SHC4: variants seen among roughly 807,000 people sequenced by gnomAD.
SHC4 encodes SHC adaptor protein 4.
SHC4 carries 41 observed loss-of-function variants against 69.4 expected under a neutral mutation model. The ratio of observed to expected loss-of-function variants is 0.59; its 90% CI spans 0.46 to 0.77. SHC4 has a LOEUF of 0.77. Ranked by LOEUF, SHC4 falls within the 30% of genes least tolerant of loss-of-function variation. The pLI is 0.00. For missense variants in SHC4, 777 were observed against 783.8 expected, an observed-to-expected ratio of 0.99 and a Z score of 0.10; for synonymous variants, 318 against 299.3, an observed-to-expected ratio of 1.06 and a Z score of -0.64.
intron 1 of SHC4, among the ~76,000 whole-genome samples, chr15:48,929,045 T>A (rs1302052916): frequency 6.6e-6 from 1 of 152,154 alleles, no homozygotes; most frequent in Non-Finnish European, 1.5e-5. Flanking sequence ...TGTGGGCATG[T>A]GTTGAGAAAA....
intron 10 of SHC4, 131 bp downstream of exon 10, chr15:48,843,278 A>G: frequency 1.1e-6 from 1 of 882,736 alleles, no homozygotes; most frequent in South Asian, 1.7e-5. Flanking sequence ...AGGTCCTAGA[A>G]GGAACCAACC....
At chr15:48,902,573 A>C (rs1332663801) in intron 2 of SHC4, among the ~76,000 whole-genome samples, 1 of 152,086 alleles carries the variant, frequency 6.6e-6, no homozygotes, top group Non-Finnish European at 1.5e-5. Flanking sequence ...CTTCTCATGG[A>C]TCACAGCTGA....
At chr15:48,878,158 A>C in intron 4 of SHC4, 1 of 1,522,704 alleles carries the variant, frequency 6.6e-7, no homozygotes, top group Non-Finnish European at 8.8e-7. Context: ...TTTTTCCTAG[A>C]GGTTGAGCGG....
At chr15:48,913,443 G>A (rs184072513) in intron 2 of SHC4, among the ~76,000 whole-genome samples, 21 of 152,156 alleles carry the variant, frequency 1.4e-4, no homozygotes, top group African/African-American at 4.6e-4. Flanking sequence ...AACTCCCACC[G>A]TGCTCTCCCC....
intron 1 of SHC4, among the ~76,000 whole-genome samples, chr15:48,943,312 C>A (rs769136192): frequency 1.3e-5 from 2 of 152,160 alleles, no homozygotes; most frequent in African/African-American, 2.4e-5. Context: ...TCTATATATT[C>A]CACCTTTACA....
intron 5 of SHC4, 145 bp from the exon 6 acceptor site, chr15:48,868,014 A>C: frequency 1.6e-6 from 1 of 644,200 alleles, no homozygotes; most frequent in Non-Finnish European, 2.7e-6. Context: ...GTAAAAGGGA[A>C]CATAAACAAA....
Position 48,824,243 on chromosome 15 carries a change from A to G in SHC4, c.*1728T>C, listed in dbSNP as rs573373907. 6.6e-6 allele frequency: 1 copy of G among 152,354 alleles called. No individual in the cohort carries two copies. Among genetic ancestry groups the G allele is most frequent in the East Asian group, 1.9e-4 (1 of 5,190 alleles). 9.4% of individuals were successfully genotyped at this position (152,354 alleles called of 1,614,324 possible). A position where few individuals can be genotyped will look rare whatever the true frequency, so the allele number is the denominator to read the frequency against. On this transcript the variant is annotated 3_prime_UTR_variant, in exon 12 of 12. Transcript: ENST00000332408. ...ATTAATGGCAGTAGAAATAAAAATC[A>G]TAAGCCTTTACAGTAAAATATTAGA...
intron 2 of SHC4, among the ~76,000 whole-genome samples, chr15:48,894,729 G>C (rs7179126): frequency 1.3e-5 from 2 of 152,108 alleles, no homozygotes; most frequent in African/African-American, 4.8e-5. Flanking sequence ...GCACCTTGCA[G>C]TAGCAGGGAG....
chr15:48,887,386 G>A (rs1900053817), intron 3 of SHC4, among the ~76,000 whole-genome samples: 1 of 152,142 alleles, frequency 6.6e-6, no homozygotes, highest in Admixed American at 6.6e-5. Flanking sequence ...ACCTCTCAGG[G>A]CCCCAGTTTC....
chr15:48,907,962 C>G (rs1258574247), intron 2 of SHC4, among the ~76,000 whole-genome samples: 1 of 151,900 alleles, frequency 6.6e-6, no homozygotes, highest in East Asian at 1.9e-4. Flanking sequence ...CCTGTATATG[C>G]AAGTATCTTT....
At chr15:48,832,077 C>T (rs1336898307) in intron 11 of SHC4, among the ~76,000 whole-genome samples, 6 of 152,316 alleles carry the variant, frequency 3.9e-5, no homozygotes, top group Admixed American at 2.0e-4. Flanking sequence ...TCAAGACCAG[C>T]CTGGCCAACA....
chr15:48,876,132 A>T (rs370471575), intron 4 of SHC4, among the ~76,000 whole-genome samples: 10 of 152,212 alleles, frequency 6.6e-5, no homozygotes, highest in African/African-American at 2.4e-4. Context: ...TCACAAAAAA[A>T]CTTGCTTACT....
intron 1 of SHC4, among the ~76,000 whole-genome samples, chr15:48,943,099 G>A (rs1237313859): frequency 6.6e-6 from 1 of 152,150 alleles, no homozygotes; most frequent in Non-Finnish European, 1.5e-5. Flanking sequence ...TAATCTTTAT[G>A]TATGTGGGTA....
At position 48,923,328 on chromosome 15, in the gene SHC4, A is replaced by G. The variant is rs528952350; in HGVS notation, c.656+1551T>C. On this transcript the variant is annotated intron_variant, in intron 2 of 11. Transcript: ENST00000332408. The stretch of plus-strand genomic sequence containing the variant: ...AACTTTGGGAGTCCAAGGCAGGTGG[A>G]TGACCTGAGGTCAGGAGTTCAAGAC... Among the ~76,000 whole-genome samples the G allele has an allele frequency of 2.6e-5, 4 of 152,292 alleles. No individual in the cohort carries two copies. In the East Asian group the frequency reaches 7.7e-4, roughly 29 times the overall value.
At chr15:48,911,495 G>A (rs1483094633) in intron 2 of SHC4, among the ~76,000 whole-genome samples, 1 of 152,134 alleles carries the variant, frequency 6.6e-6, no homozygotes, top group East Asian at 1.9e-4. Context: ...GCAGATATTT[G>A]GTTGGTGAGT....
In SHC4 at chr15:48,857,881, C is replaced by T. The variant is rs143727195; in HGVS notation, c.947-66G>A. On this transcript the variant is annotated intron_variant, in intron 6 of 11. Transcript: ENST00000332408. Reference sequence around the variant, plus strand: ...TTAGAAAGAGAAGATTACATAAAATCAGAGTACTTCAAAACCATGAACTGA... The same window carrying T: ...TTAGAAAGAGAAGATTACATAAAATTAGAGTACTTCAAAACCATGAACTGA... The T allele has an allele frequency of 2.6e-3, 3,430 of 1,306,544 alleles. 90 individuals are homozygous for T. The African/African-American group carries it at 0.047, about 18-fold the overall frequency. 80.9% of individuals were successfully genotyped at this position (1,306,544 alleles called of 1,614,324 possible).
intron 2 of SHC4, among the ~76,000 whole-genome samples, chr15:48,916,063 G>A (rs1219544496): frequency 2.0e-5 from 3 of 152,108 alleles, no homozygotes. Context: ...ATGCATTGCC[G>A]TAACTAATCC....
chr15:48,958,998 G>A (rs1438626755), intron 1 of SHC4, among the ~76,000 whole-genome samples: 1 of 152,080 alleles, frequency 6.6e-6, no homozygotes, highest in African/African-American at 2.4e-5. Flanking sequence ...CAAAACAGGT[G>A]GTCAGGATTC....
chr15:48,926,551 C>G (rs1900858071), intron 1 of SHC4, among the ~76,000 whole-genome samples: 1 of 152,010 alleles, frequency 6.6e-6, no homozygotes. Flanking sequence ...CAACCGCTGC[C>G]TCCCAAATTC....
Sources: gnomAD v4.1 joint callset for allele counts (sites outside exome capture counted in the v4.1 genomes callset) on GRCh38, gnomAD v4.1.1 for gene constraint, MANE v1.5 for transcripts, NCBI Gene and HGNC (gene_info 2026-07-23, HGNC 2026-07-21) for gene names.